The following RFX1 variants were observed in gnomAD, a reference collection of about 807,000 sequenced individuals.
RFX1 encodes the protein MHC class II regulatory factor RFX1.
A neutral mutation model predicts 119.6 loss-of-function variants in RFX1; 42 were observed. The ratio of observed to expected loss-of-function variants is 0.35; its 90% CI spans 0.27 to 0.45. RFX1 has a LOEUF of 0.45. RFX1 is among the 20% of genes least tolerant of loss of function. The pLI is 1.00. For synonymous variants in RFX1, 628 were observed against 618.5 expected, an observed-to-expected ratio of 1.02 and a Z score of -0.23; for missense variants, 1,118 against 1,368.1, an observed-to-expected ratio of 0.82 and a Z score of 2.88.
chr19:13,978,992 C>T (rs1010049613), intron 7 of RFX1, among the ~76,000 whole-genome samples: 53 of 151,592 alleles, frequency 3.5e-4, no homozygotes, highest in African/African-American at 1.2e-3. Flanking sequence ...CCGCTGCACG[C>T]GGGCGGCCGG....
In RFX1 at chr19:13,969,923, C is replaced by T. The variant is rs535553865; in HGVS notation, c.1496+71G>A. On this transcript the variant is annotated intron_variant, in intron 10 of 20. Transcript: ENST00000254325. This position sits in a 1 kb window ranked among gnomAD's most constrained non-coding sequence, Gnocchi z 4.5. ...CTGGACTGGACTGCCTGAGATGACT[C>T]GGAGTGGGGGTGGGCCTTGGCATGC... 2.6e-5 allele frequency: 38 copies of T among 1,472,342 alleles called. No individual in the cohort carries two copies. Among genetic ancestry groups the T allele is most frequent in the East Asian group, 1.2e-4 (5 of 43,076 alleles). The allele number at this position is 1,472,342 out of a possible 1,614,324, so 91.2% of individuals were successfully genotyped here. A position where few individuals can be genotyped will look rare whatever the true frequency, so the allele number is the denominator to read the frequency against.
intron 2 of RFX1, among the ~76,000 whole-genome samples, chr19:13,987,102 G>C (rs77005668): frequency 0.015 from 2,262 of 152,316 alleles, 55 homozygotes; most frequent in African/African-American, 0.051. Context: ...AACTCCAAGT[G>C]AGAGAGAAGC....
In RFX1 at chr19:13,969,674, A is replaced by AAT; in HGVS notation, c.1496+319_1496+320insAT. 3.9e-6 allele frequency: 1 copy of AAT among 255,814 alleles called. No homozygotes were observed. Among genetic ancestry groups the AAT allele is most frequent in the Non-Finnish European group, 7.5e-6 (1 of 133,172 alleles). The allele number at this position is 255,814 out of a possible 1,614,324, so 15.8% of individuals were successfully genotyped here. A position where few individuals can be genotyped will look rare whatever the true frequency, so the allele number is the denominator to read the frequency against. On this transcript the variant is annotated intron_variant, in intron 10 of 20. Transcript: ENST00000254325. This position sits in a 1 kb window ranked among gnomAD's most constrained non-coding sequence, Gnocchi z 4.5. ...ACTCTTGTCTCCAAAAAAAAAAAAA[A>AAT]GTCACGTGTGAGCGTGCTGAATGCT... is the stretch of plus-strand genomic sequence containing the variant.
Position 13,968,703 on chromosome 19 carries a change from G to A in RFX1, c.1617-23C>T, listed in dbSNP as rs770930988. ...AGCCTGGAGTAGAATGGGCAGGTGG[G>A]CCGGCTGCTGGGGGCCGGCCTGTGT... On this transcript the variant is annotated intron_variant, in intron 11 of 20. Transcript: ENST00000254325. This position sits in a 1 kb window ranked among gnomAD's most constrained non-coding sequence, Gnocchi z 5.5. The A allele has an allele frequency of 2.5e-6, 4 of 1,611,548 alleles. No homozygotes were observed. The South Asian group carries it at 3.3e-5, about 13-fold the overall frequency.
chr19:14,002,183 C>T (rs1172240575), intron 1 of RFX1, among the ~76,000 whole-genome samples: 3 of 151,628 alleles, frequency 2.0e-5, no homozygotes, highest in East Asian at 1.9e-4. Context: ...GTCATGGTGG[C>T]GGGCATCTGT....
At chr19:13,988,826 G>T (rs1974702748) in intron 2 of RFX1, among the ~76,000 whole-genome samples, 1 of 151,936 alleles carries the variant, frequency 6.6e-6, no homozygotes, top group African/African-American at 2.4e-5. Flanking sequence ...TTTGAGACCA[G>T]CCTGGCCAAC....
chr19:13,979,848 A>C (rs1157603262), intron 6 of RFX1, among the ~76,000 whole-genome samples: 2 of 151,650 alleles, frequency 1.3e-5, no homozygotes, highest in African/African-American at 4.9e-5. Flanking sequence ...TCGTCCCCAC[A>C]CCCCCCAATG....
At chr19:14,000,009 A>G (rs1975162568) in intron 1 of RFX1, among the ~76,000 whole-genome samples, 2 of 152,124 alleles carry the variant, frequency 1.3e-5, no homozygotes, top group Non-Finnish European at 2.9e-5. Flanking sequence ...TTCTCTAATC[A>G]AATGGTTTAC....
chr19:13,985,184 T>G lies in RFX1; in HGVS notation c.320-1589A>C, dbSNP rs991220476. 1.4e-5 allele frequency among the ~76,000 whole-genome samples: 2 copies of G among 144,414 alleles called. No homozygotes were observed. Among genetic ancestry groups the G allele is most frequent in the Middle Eastern group, 3.8e-3 (1 of 262 alleles). The allele number at this position is 144,414 out of a possible 152,430, so 94.7% of individuals were successfully genotyped here. A position where few individuals can be genotyped will look rare whatever the true frequency, so the allele number is the denominator to read the frequency against. ...GCTGACAGTAAGAGCTTTCCGGGAT[T>G]TTTTTTTTTTTTTGAGACAGGGTCT... is the stretch of plus-strand genomic sequence containing the variant. On this transcript the variant is annotated intron_variant, in intron 2 of 20. Coordinates refer to ENST00000254325, the MANE Select transcript of RFX1 (RefSeq NM_002918.5). This position sits in a 1 kb window ranked among gnomAD's most constrained non-coding sequence, Gnocchi z 4.3.
At chr19:13,974,371 A>G (rs927610225) in intron 8 of RFX1, among the ~76,000 whole-genome samples, 2 of 152,170 alleles carry the variant, frequency 1.3e-5, no homozygotes, top group African/African-American at 4.8e-5. Context: ...CGGGATGGGC[A>G]CCGGTGACAC....
At position 13,965,616 on chromosome 19, in the gene RFX1, G is replaced by A. The variant is rs750959642; in HGVS notation, c.2113+10C>T. ...TGGGGCAGGGGATGCCGAGCAGGCC[G>A]AGCACTCACTGGGGATGGGCCGCAG... On this transcript the variant is annotated intron_variant, in intron 15 of 20. Transcript: ENST00000254325. This position sits in a 1 kb window ranked among gnomAD's most constrained non-coding sequence, Gnocchi z 4.7. 45 of 1,612,802 alleles carry A rather than the reference G, an allele frequency of 2.8e-5. No homozygotes were observed. In the South Asian group the frequency reaches 3.6e-4, roughly 13 times the overall value.
At chr19:14,006,589 G>A (rs1182349129), upstream of RFX1, 1 of 152,354 alleles carries the variant, frequency 6.6e-6, no homozygotes, top group East Asian at 1.9e-4. Flanking sequence ...GTGAGGACGG[G>A]ATTGGTTTGC....
chr19:13,989,863 G>A (rs142699284), intron 2 of RFX1, among the ~76,000 whole-genome samples: 3 of 16,182 alleles, frequency 1.9e-4, no homozygotes, highest in East Asian at 3.5e-3. Flanking sequence ...TGGAAGAGGC[G>A]GGGGGGGTTC....
intron 9 of RFX1, among the ~76,000 whole-genome samples, chr19:13,970,810 C>G (rs1974055834): frequency 1.3e-5 from 2 of 150,832 alleles, no homozygotes; most frequent in South Asian, 4.2e-4. Flanking sequence ...ATTGTGAAAC[C>G]CCGTCTCTAC....
chr19:14,005,100 G>A (rs1975330104), intron 1 of RFX1, among the ~76,000 whole-genome samples: 2 of 152,156 alleles, frequency 1.3e-5, no homozygotes, highest in South Asian at 4.1e-4. Flanking sequence ...ATTCCCAGTA[G>A]GGGAGACCTC....
chr19:14,002,925 C>T (rs143062702), intron 1 of RFX1, among the ~76,000 whole-genome samples: 3 of 152,340 alleles, frequency 2.0e-5, no homozygotes, highest in African/African-American at 7.2e-5. Context: ...TCCACATCCC[C>T]GCTCACCCAG....
Position 13,962,563 on chromosome 19 carries a change from G to C in RFX1, c.*132C>G. On this transcript the variant is annotated 3_prime_UTR_variant, in exon 21 of 21. Coordinates refer to ENST00000254325, the MANE Select transcript of RFX1 (RefSeq NM_002918.5). ...CGGCCCCATAAGGGAGGAGGGCCCC[G>C]GTCTTCCCTGTCTCGGAGTCCCCCT... 1.4e-6 allele frequency: 1 copy of C among 727,884 alleles called. No individual in the cohort carries two copies. The highest frequency in any genetic ancestry group is 2.1e-6 in the Non-Finnish European group (1 of 469,402). 45.1% of individuals were successfully genotyped at this position (727,884 alleles called of 1,614,324 possible). A position where few individuals can be genotyped will look rare whatever the true frequency, so the allele number is the denominator to read the frequency against.
chr19:13,986,304 A>T lies in RFX1; in HGVS notation c.320-2709T>A, dbSNP rs910034154. ...ACCTACAGCAGGAGGAGGCCTGGGG[A>T]CCTGCTGAGACCAGGTGGCTGTCTC... On this transcript the variant is annotated intron_variant, in intron 2 of 20. Transcript: ENST00000254325. This position sits in a 1 kb window ranked among gnomAD's most constrained non-coding sequence, Gnocchi z 4.2. Among the ~76,000 whole-genome samples, 22 of 152,072 alleles carry T rather than the reference A, an allele frequency of 1.4e-4. No individual in the cohort carries two copies. Among genetic ancestry groups the T allele is most frequent in the African/African-American group, 4.8e-4 (20 of 41,482 alleles).
At chr19:13,978,120 G>T in intron 7 of RFX1, 34 bp from the exon 8 acceptor site, 1 of 1,529,290 alleles carries the variant, frequency 6.5e-7, no homozygotes, top group Non-Finnish European at 9.0e-7. Context: ...GAGGGTCAGG[G>T]GTGGGCCAGC....
Sources: gnomAD v4.1 joint callset for allele counts (sites outside exome capture counted in the v4.1 genomes callset) on GRCh38, gnomAD v4.1.1 for gene constraint, Gnocchi (gnomAD v3.1) non-coding constraint, MANE v1.5 for transcripts, NCBI Gene and HGNC (gene_info 2026-07-23, HGNC 2026-07-21) for gene names.